Variants in CAMTA1 observed in about 807,000 individuals in gnomAD.
CAMTA1 encodes the protein calmodulin-binding transcription activator 1.
A neutral mutation model predicts 170.9 loss-of-function variants in CAMTA1; 27 were observed. The ratio of observed to expected loss-of-function variants is 0.16; its 90% CI spans 0.12 to 0.22. CAMTA1 has a LOEUF of 0.22. CAMTA1 is among the 10% of genes least tolerant of loss of function. The pLI, the probability that CAMTA1 is intolerant of heterozygous loss-of-function variation, is 1.00. For missense variants in CAMTA1, 1,619 were observed against 2,217.2 expected, an observed-to-expected ratio of 0.73 and a Z score of 5.42; for synonymous variants, 833 against 891.5, an observed-to-expected ratio of 0.93 and a Z score of 1.17.
At chr1:7,724,128 T>G (rs1050328073) in intron 11 of CAMTA1, among the ~76,000 whole-genome samples, 1 of 152,200 alleles carries the variant, frequency 6.6e-6, no homozygotes, top group African/African-American at 2.4e-5. Context: ...CTAAAACTGT[T>G]AAAATCTTGA....
chr1:7,282,877 C>T (rs1373386667), intron 5 of CAMTA1, among the ~76,000 whole-genome samples: 3 of 152,110 alleles, frequency 2.0e-5, no homozygotes, highest in Non-Finnish European at 4.4e-5. Flanking sequence ...CCTTGTGTCT[C>T]GTGACATAGC....
Position 7,300,797 on chromosome 1 carries a change from G to T in CAMTA1, c.438+51171G>T, listed in dbSNP as rs1254917553. Among the ~76,000 whole-genome samples the T allele has an allele frequency of 1.3e-5, 2 of 152,164 alleles. No individual in the cohort carries two copies. The highest frequency in any genetic ancestry group is 4.8e-5 in the African/African-American group (2 of 41,434). ...GTTGGTGACATTTGCAAACTCTCCT[G>T]GTTTAAAGTGATTCCAGAGCAACTT... On this transcript the variant is annotated intron_variant, in intron 5 of 22. Coordinates refer to ENST00000303635, the MANE Select transcript of CAMTA1 (RefSeq NM_015215.4). This position sits in a 1 kb window ranked among gnomAD's most constrained non-coding sequence, Gnocchi z 4.1.
chr1:7,280,060 C>T (rs981380299), intron 5 of CAMTA1, among the ~76,000 whole-genome samples: 2 of 152,156 alleles, frequency 1.3e-5, no homozygotes, highest in Non-Finnish European at 2.9e-5. Flanking sequence ...GACCTCTCAG[C>T]CCTCTTTGGA....
chr1:7,000,274 T>C (rs761178923), intron 3 of CAMTA1, among the ~76,000 whole-genome samples: 3 of 152,252 alleles, frequency 2.0e-5, no homozygotes, highest in Non-Finnish European at 4.4e-5. Flanking sequence ...GACCCACTCA[T>C]GCTTGTCTTC....
intron 3 of CAMTA1, among the ~76,000 whole-genome samples, chr1:6,867,463 C>T (rs6657847): frequency 0.29 from 44,479 of 151,888 alleles, 7,102 homozygotes; most frequent in Non-Finnish European, 0.36. Flanking sequence ...AATATATTTT[C>T]GGAAAGGCTG....
chr1:6,838,599 A>C (rs1224262679), intron 3 of CAMTA1, among the ~76,000 whole-genome samples: 1 of 152,162 alleles, frequency 6.6e-6, no homozygotes, highest in Non-Finnish European at 1.5e-5. Context: ...TTTCTGATAT[A>C]TGTATCTACA....
chr1:7,233,797 AG>A (rs1434370299), intron 4 of CAMTA1, among the ~76,000 whole-genome samples: 2 of 152,098 alleles, frequency 1.3e-5, no homozygotes, highest in African/African-American at 4.8e-5. Flanking sequence ...TTTGTCTGGA[AG>A]GCGCCTCTCC....
At chr1:7,052,564 C>G (rs562754789) in intron 3 of CAMTA1, among the ~76,000 whole-genome samples, 2 of 152,288 alleles carry the variant, frequency 1.3e-5, no homozygotes, top group Non-Finnish European at 2.9e-5. Flanking sequence ...AGCTCAGATT[C>G]CACAGGTCCC....
chr1:7,163,155 C>T (rs960480143), intron 4 of CAMTA1, among the ~76,000 whole-genome samples: 1 of 151,872 alleles, frequency 6.6e-6, no homozygotes, highest in Non-Finnish European at 1.5e-5. Flanking sequence ...GGAAGTCCTG[C>T]TCAGCCCGAG....
At chr1:7,758,221 A>G (rs1286117884) in intron 22 of CAMTA1, among the ~76,000 whole-genome samples, 1 of 152,190 alleles carries the variant, frequency 6.6e-6, no homozygotes, top group Non-Finnish European at 1.5e-5. Context: ...AGTTTCTGGT[A>G]TGTTAATGAC....
At chr1:7,414,240 C>T (rs1184115861) in intron 5 of CAMTA1, among the ~76,000 whole-genome samples, 2 of 152,152 alleles carry the variant, frequency 1.3e-5, no homozygotes, top group East Asian at 3.8e-4. Context: ...GTATCTCTGC[C>T]AGGCTTTGGT....
intron 5 of CAMTA1, among the ~76,000 whole-genome samples, chr1:7,294,665 C>T (rs74519498): frequency 0.04 from 6,157 of 152,270 alleles, 198 homozygotes; most frequent in Middle Eastern, 0.092. Flanking sequence ...GTAGTGGGTT[C>T]TTGACATTAA....
At chr1:6,983,269 A>G (rs1694741233) in intron 3 of CAMTA1, among the ~76,000 whole-genome samples, 1 of 152,136 alleles carries the variant, frequency 6.6e-6, no homozygotes, top group Non-Finnish European at 1.5e-5. Flanking sequence ...CATTTTCAGA[A>G]AGAGCTAGTG....
At chr1:7,029,568 C>G (rs1383633927) in intron 3 of CAMTA1, among the ~76,000 whole-genome samples, 1 of 150,254 alleles carries the variant, frequency 6.7e-6, no homozygotes. Context: ...AGCTTGGAAT[C>G]TTCCAGTGAG....
At chr1:7,686,385 G>T (rs1365431705) in intron 11 of CAMTA1, among the ~76,000 whole-genome samples, 4 of 152,140 alleles carry the variant, frequency 2.6e-5, no homozygotes, top group Non-Finnish European at 2.9e-5. Flanking sequence ...GACAGGCAGG[G>T]GCCAGCCACA....
chr1:7,698,311 T>C (rs2096400313), intron 11 of CAMTA1: 1 of 152,180 alleles, frequency 6.6e-6, no homozygotes, highest in South Asian at 2.1e-4. Flanking sequence ...AATTTCATAA[T>C]GTTTTAAGAA....
chr1:7,432,773 C>T (rs1025551476), intron 5 of CAMTA1, among the ~76,000 whole-genome samples: 1 of 152,240 alleles, frequency 6.6e-6, no homozygotes, highest in African/African-American at 2.4e-5. Context: ...CCCTGCATCT[C>T]CTGTTATCTC....
rs17031325 is a variant in CAMTA1, at chr1:7,673,867, G to A, written c.2779+2830G>A. On this transcript the variant is annotated intron_variant, in intron 10 of 22. Transcript: ENST00000303635. This position sits in a 1 kb window ranked among gnomAD's most constrained non-coding sequence, Gnocchi z 4.6. The stretch of plus-strand genomic sequence containing the variant: ...CTTGCTCTGCACAGAGTAGGGGCCT[G>A]GAATGGAGCAAACAATAAGACCCAG... 8.3e-3 allele frequency among the ~76,000 whole-genome samples: 1,271 copies of A among 152,308 alleles called. 17 individuals carry two copies. Among genetic ancestry groups the A allele is most frequent in the African/African-American group, 0.029 (1,195 of 41,558 alleles).
At chr1:7,122,430 G>A (rs147558558) in intron 4 of CAMTA1, among the ~76,000 whole-genome samples, 1,536 of 152,100 alleles carry the variant, frequency 0.01, 20 homozygotes, top group Middle Eastern at 0.051. Flanking sequence ...GGTGCCTGGC[G>A]ATCAGAGCAC....
Sources: gnomAD v4.1 joint callset for allele counts (sites outside exome capture counted in the v4.1 genomes callset) on GRCh38, gnomAD v4.1.1 for gene constraint, Gnocchi (gnomAD v3.1) non-coding constraint, MANE v1.5 for transcripts, NCBI Gene and HGNC (gene_info 2026-07-23, HGNC 2026-07-21) for gene names.